The following PLXNC1 variants were observed in gnomAD, a reference collection of about 807,000 sequenced individuals.
PLXNC1 encodes the protein plexin-C1.
PLXNC1 carries 75 observed loss-of-function variants against 178.2 expected under a neutral mutation model. The observed-to-expected ratio is 0.42, with a 90% CI of 0.35 to 0.51. The LOEUF (loss-of-function observed/expected upper bound fraction) is 0.51. PLXNC1 is among the 20% of genes least tolerant of loss of function. The pLI is 0.02. For synonymous variants in PLXNC1, 790 were observed against 779.9 expected, an observed-to-expected ratio of 1.01 and a Z score of -0.22; for missense variants, 1,503 against 1,984.4, an observed-to-expected ratio of 0.76 and a Z score of 4.61.
intron 23 of PLXNC1, among the ~76,000 whole-genome samples, chr12:94,291,792 A>G (rs1208934448): frequency 6.6e-6 from 1 of 152,154 alleles, no homozygotes; most frequent in East Asian, 1.9e-4. Flanking sequence ...TCGTGGGTAC[A>G]TGTGCAGGTT....
chr12:94,186,558 C>T, intron 4 of PLXNC1, 85 bp downstream of exon 4: 1 of 820,406 alleles, frequency 1.2e-6, no homozygotes. Context: ...TTTAACGATC[C>T]ATTCCAGTGA....
At chr12:94,156,035 C>T (rs1032233692) in intron 1 of PLXNC1, among the ~76,000 whole-genome samples, 1 of 152,200 alleles carries the variant, frequency 6.6e-6, no homozygotes, top group Non-Finnish European at 1.5e-5. Context: ...CCAAAGCTAC[C>T]AGTTACCAGT....
Position 94,247,891 on chromosome 12 carries a change from C to A in PLXNC1, c.2389-12C>A, listed in dbSNP as rs763830235. 1 of 1,612,264 alleles carries A rather than the reference C, an allele frequency of 6.2e-7. No individual in the cohort carries two copies. The highest frequency in any genetic ancestry group is 8.5e-7 in the Non-Finnish European group (1 of 1,178,922). Reference sequence around the variant, plus strand: ...AACAAAGTTACTAAAACATTCTTTTCTTTTTGTCCAGGTCTCTGAATATTG... The same window carrying A: ...AACAAAGTTACTAAAACATTCTTTTATTTTTGTCCAGGTCTCTGAATATTG... On this transcript the variant is annotated splice_polypyrimidine_tract_variant and intron_variant, in intron 12 of 30. Transcript: ENST00000258526.
intron 14 of PLXNC1, 57 bp from the exon 15 acceptor site, chr12:94,251,369 G>A (rs1397548245): frequency 7.9e-6 from 8 of 1,010,612 alleles, no homozygotes; most frequent in Non-Finnish European, 1.3e-5. Flanking sequence ...GGGAAATTAT[G>A]TAAATAAATA....
chr12:94,251,717 G>A (rs569656116), intron 15 of PLXNC1, among the ~76,000 whole-genome samples, 189 bp downstream of exon 15: 18 of 152,354 alleles, frequency 1.2e-4, no homozygotes, highest in African/African-American at 4.1e-4. Flanking sequence ...TTGGCCAGGC[G>A]TGGTGGCTGA....
chr12:94,162,552 G>T lies in PLXNC1; in HGVS notation c.1063-6601G>T, dbSNP rs148689833. 5.6e-3 allele frequency among the ~76,000 whole-genome samples: 850 copies of T among 152,324 alleles called. 9 individuals carry two copies. Among genetic ancestry groups the T allele is most frequent in the South Asian group, 0.036 (175 of 4,828 alleles). On this transcript the variant is annotated intron_variant, in intron 1 of 30. Coordinates refer to ENST00000258526, the MANE Select transcript of PLXNC1 (RefSeq NM_005761.3). ...AAAAGATCACTTTGGCTACTGGACA[G>T]AGAATAAATTGAAAGTTAAAAGGGA...
At chr12:94,212,499 C>G (rs555517634) in intron 5 of PLXNC1, among the ~76,000 whole-genome samples, 1 of 148,870 alleles carries the variant, frequency 6.7e-6, no homozygotes, top group East Asian at 2.0e-4. Context: ...CGGCAGGCCC[C>G]GGTGTGTGAT....
chr12:94,286,152 T>G (rs1966835825), intron 23 of PLXNC1, among the ~76,000 whole-genome samples: 1 of 152,206 alleles, frequency 6.6e-6, no homozygotes, highest in Admixed American at 6.5e-5. Flanking sequence ...TGTAGTCACT[T>G]CCCGTCCAAA....
In PLXNC1 at chr12:94,305,182, T is replaced by C; in HGVS notation, c.4604T>C (p.Ile1535Thr). Residue 1535 changes from isoleucine (I) to threonine (T), a missense_variant and splice_region_variant, in exon 31 of 31, where the codon ATT becomes ACT. By Grantham distance (89) the Ile-to-Thr change is moderately conservative. Coordinates refer to ENST00000258526, the MANE Select transcript of PLXNC1 (RefSeq NM_005761.3). ...YKYIVKYFDE[I>T]LNKLERERGL... The stretch of plus-strand genomic sequence containing the variant: ...AATAACTGTTCTAATTGTCAACAGA[T>C]TCTAAATAAACTAGAAAGAGAACGA... 1 of 1,594,664 alleles carries C rather than the reference T, an allele frequency of 6.3e-7. No individual in the cohort carries two copies. Among genetic ancestry groups the C allele is most frequent in the Non-Finnish European group, 8.6e-7 (1 of 1,164,482 alleles).
chr12:94,268,730 G>A (rs1012021729), intron 21 of PLXNC1, among the ~76,000 whole-genome samples: 9 of 151,286 alleles, frequency 5.9e-5, no homozygotes, highest in Non-Finnish European at 1.3e-4. Context: ...AAATACCTGG[G>A]ATTATAGGCA....
At chr12:94,262,426 G>A (rs558234760) in intron 20 of PLXNC1, 2 of 907,534 alleles carry the variant, frequency 2.2e-6, no homozygotes, top group Admixed American at 6.2e-5. Context: ...GCTTTCAAGG[G>A]CTGCTCTTGG....
chr12:94,216,986 C>G (rs1246504206), intron 5 of PLXNC1, among the ~76,000 whole-genome samples: 1 of 152,176 alleles, frequency 6.6e-6, no homozygotes, highest in Non-Finnish European at 1.5e-5. Context: ...GCCTGGACCC[C>G]AAGTTACGCA....
chr12:94,269,927 A>G (rs549814342), intron 21 of PLXNC1, among the ~76,000 whole-genome samples: 1 of 152,388 alleles, frequency 6.6e-6, no homozygotes, highest in South Asian at 2.1e-4. Flanking sequence ...AAAAATTAAC[A>G]TGTAATGGGT....
intron 6 of PLXNC1, among the ~76,000 whole-genome samples, chr12:94,222,170 C>T (rs142193865): frequency 6.6e-6 from 1 of 152,326 alleles, no homozygotes; most frequent in East Asian, 1.9e-4. Flanking sequence ...GCAGACCTTG[C>T]TCACCTATAA....
rs2135909920 is a variant in PLXNC1 at position 94,149,439 on chromosome 12, C to T, written c.468C>T (p.Cys156=). The T allele has an allele frequency of 6.9e-7, 1 of 1,458,610 alleles. No homozygotes were observed. Among genetic ancestry groups the T allele is most frequent in the Non-Finnish European group, 9.0e-7 (1 of 1,114,242 alleles). 90.4% of individuals were successfully genotyped at this position (1,458,610 alleles called of 1,614,324 possible). The change falls in exon 1 of 31, where the codon TGC becomes TGT. Residue 156 remains cysteine (C), a synonymous_variant. Transcript: ENST00000258526. ...SLRNGTEVVS[C]HPQGSTAGVV... ...GCAACGGCACCGAGGTGGTGTCGTG[C>T]CACCCGCAGGGCTCGACGGCCGGCG... is the stretch of plus-strand genomic sequence containing the variant.
chr12:94,300,165 T>C (rs765533433), intron 27 of PLXNC1, among the ~76,000 whole-genome samples: 9 of 152,258 alleles, frequency 5.9e-5, no homozygotes, highest in South Asian at 2.1e-4. Context: ...CCCATTCTAA[T>C]AGTTGGGGAC....
intron 3 of PLXNC1, among the ~76,000 whole-genome samples, chr12:94,182,640 G>A (rs534042814): frequency 1.3e-4 from 20 of 150,912 alleles, no homozygotes; most frequent in South Asian, 1.0e-3. Flanking sequence ...AACAAGAATC[G>A]CTTGAAACCA....
At position 94,307,311 on chromosome 12, in the gene PLXNC1, A is replaced by G. The variant is rs892528628; in HGVS notation, c.*2026A>G. Reference sequence around the variant, plus strand: ...ACTAATGTATGTAGCGTGTTTGTCAATCCTCCAGTGAAAAGCACTATCTAG... The same window carrying G: ...ACTAATGTATGTAGCGTGTTTGTCAGTCCTCCAGTGAAAAGCACTATCTAG... On this transcript the variant is annotated 3_prime_UTR_variant, in exon 31 of 31. Coordinates refer to ENST00000258526, the MANE Select transcript of PLXNC1 (RefSeq NM_005761.3). 1 of 152,328 alleles carries G rather than the reference A, an allele frequency of 6.6e-6. No individual in the cohort carries two copies. The highest frequency in any genetic ancestry group is 2.4e-5 in the African/African-American group (1 of 41,570). 9.4% of individuals were successfully genotyped at this position (152,328 alleles called of 1,614,324 possible).
At chr12:94,159,374 G>A (rs1961291803) in intron 1 of PLXNC1, among the ~76,000 whole-genome samples, 1 of 152,196 alleles carries the variant, frequency 6.6e-6, no homozygotes, top group South Asian at 2.1e-4. Context: ...AGGCATTTGG[G>A]GGTTGCAGGT....
Sources: allele counts gnomAD v4.1 joint callset (sites outside exome capture counted in the v4.1 genomes callset), GRCh38; gene constraint gnomAD v4.1.1; transcripts MANE v1.5; gene names NCBI Gene and HGNC (gene_info 2026-07-23, HGNC 2026-07-21).